Variants in HSPA12A observed in about 807,000 individuals in gnomAD.
HSPA12A encodes the protein heat shock protein family A (Hsp70) member 12A.
HSPA12A carries 28 observed loss-of-function variants against 69.2 expected under a neutral mutation model. The observed-to-expected ratio is 0.40, with a 90% confidence interval of 0.30 to 0.55. The LOEUF is 0.55. HSPA12A is among the 20% of genes least tolerant of loss of function. The probability of loss-of-function intolerance (pLI) is 0.38; values close to 1 mark genes in which losing one functional copy is unlikely to be tolerated. For synonymous variants in HSPA12A, 345 were observed against 370.5 expected, an observed-to-expected ratio of 0.93 and a Z score of 0.79; for missense variants, 686 against 900.7, an observed-to-expected ratio of 0.76 and a Z score of 3.05.
intron 2 of HSPA12A, among the ~76,000 whole-genome samples, chr10:116,813,763 A>T (rs1475371315): frequency 6.6e-6 from 1 of 152,152 alleles, no homozygotes; most frequent in Non-Finnish European, 1.5e-5. Context: ...GAGCACCTGT[A>T]GTCCCAGCTA....
intron 2 of HSPA12A, among the ~76,000 whole-genome samples, chr10:116,834,699 A>G (rs1845678792): frequency 6.6e-6 from 1 of 152,274 alleles, no homozygotes; most frequent in East Asian, 1.9e-4. Flanking sequence ...GATAGGTGGG[A>G]AACGAATTTG....
Position 116,814,326 on chromosome 10 carries a change from G to A in HSPA12A, c.91+20609C>T, listed in dbSNP as rs75844679. The stretch of plus-strand genomic sequence containing the variant: ...CACATGGAAGGTCTGACATATAAGT[G>A]GAGTTCCCAAGGCAGAGGGCGGCCA... On this transcript the variant is annotated intron_variant, in intron 2 of 12. Coordinates refer to the HSPA12A transcript ENST00000635765. Among the ~76,000 whole-genome samples the A allele has an allele frequency of 1.0e-2, 1,519 of 152,270 alleles. 19 individuals are homozygous for A. Among genetic ancestry groups the A allele is most frequent in the African/African-American group, 0.031 (1,305 of 41,556 alleles).
chr10:116,767,517 T>C (rs1197193975), intron 2 of HSPA12A, among the ~76,000 whole-genome samples: 1 of 152,134 alleles, frequency 6.6e-6, no homozygotes, highest in Non-Finnish European at 1.5e-5. Context: ...CCTTCTCTGC[T>C]CCCACTAGCC....
intron 2 of HSPA12A, among the ~76,000 whole-genome samples, chr10:116,816,649 A>G (rs1845311954): frequency 6.6e-6 from 1 of 152,150 alleles, no homozygotes; most frequent in Non-Finnish European, 1.5e-5. Context: ...TCCAATTCCG[A>G]TGGTTGCAGC....
intron 2 of HSPA12A, among the ~76,000 whole-genome samples, chr10:116,705,893 CTTTT>C (rs369606540): frequency 8.6e-6 from 1 of 115,618 alleles, no homozygotes; most frequent in Non-Finnish European, 1.7e-5. Flanking sequence ...TCTCTCTCTC[CTTTT>C]TTTTTTTTTT....
At chr10:116,767,104 G>A (rs1182356142) in intron 2 of HSPA12A, among the ~76,000 whole-genome samples, 4 of 152,148 alleles carry the variant, frequency 2.6e-5, no homozygotes, top group Non-Finnish European at 4.4e-5. Context: ...TAGAGCGGGG[G>A]CACCTGATCT....
intron 1 of HSPA12A, among the ~76,000 whole-genome samples, chr10:116,711,788 C>T (rs1036357667): frequency 5.3e-5 from 8 of 151,532 alleles, no homozygotes; most frequent in South Asian, 2.1e-4. Flanking sequence ...CTCAGCCTCC[C>T]GAGTAGCTGG....
chr10:116,813,801 T>C (rs1845245633), intron 2 of HSPA12A, among the ~76,000 whole-genome samples: 2 of 152,040 alleles, frequency 1.3e-5, no homozygotes, highest in Admixed American at 1.3e-4. Flanking sequence ...AGGGAATCAC[T>C]TGACCCCAGG....
At chr10:116,711,716 T>A (rs1554883117) in intron 1 of HSPA12A, among the ~76,000 whole-genome samples, 1 of 145,910 alleles carries the variant, frequency 6.9e-6, no homozygotes, top group African/African-American at 2.5e-5. Flanking sequence ...CCAGGCTGAG[T>A]GCAGTGGTGC....
chr10:116,785,212 C>T (rs1844550883), intron 2 of HSPA12A, among the ~76,000 whole-genome samples: 1 of 152,092 alleles, frequency 6.6e-6, no homozygotes, highest in Non-Finnish European at 1.5e-5. Context: ...CACCCACCGC[C>T]ACCATCATTC....
chr10:116,846,117 A>G (rs1589738341), intron 1 of HSPA12A, among the ~76,000 whole-genome samples: 1 of 152,102 alleles, frequency 6.6e-6, no homozygotes, highest in South Asian at 2.1e-4. Context: ...GGCATTCAAT[A>G]TTTGTTGATT....
At chr10:116,758,333 A>T (rs1554888992) in intron 2 of HSPA12A, among the ~76,000 whole-genome samples, 2 of 151,986 alleles carry the variant, frequency 1.3e-5, no homozygotes, top group Non-Finnish European at 2.9e-5. Flanking sequence ...TTGCCCTGTG[A>T]CTTCTGATTG....
intron 2 of HSPA12A, chr10:116,750,375 T>A: frequency 1.4e-6 from 1 of 724,330 alleles, no homozygotes; most frequent in Non-Finnish European, 2.5e-6. Context: ...GGCAATAAAG[T>A]CTTGGGGGGC....
chr10:116,700,836 C>T (rs1005635411), intron 4 of HSPA12A, 107 bp downstream of exon 4: 9 of 1,030,126 alleles, frequency 8.7e-6, no homozygotes, highest in Admixed American at 4.3e-5. Flanking sequence ...TTGGAAGAGA[C>T]CAGAGGGCCC....
At position 116,677,964 on chromosome 10, in the gene HSPA12A, C is replaced by T. The variant is rs185953754; in HGVS notation, c.1287-1462G>A. ...AGGAAAAATTCATTAGCTACTTTGG[C>T]GGATACTAGGAAATTGATTCTTTTT... On this transcript the variant is annotated intron_variant, in intron 10 of 11. Coordinates refer to ENST00000369209, the MANE Select transcript of HSPA12A (RefSeq NM_025015.3). 1.1e-4 allele frequency among the ~76,000 whole-genome samples: 17 copies of T among 149,646 alleles called. No individual in the cohort carries two copies. The East Asian group carries it at 2.4e-3, about 21-fold the overall frequency.
intron 2 of HSPA12A, among the ~76,000 whole-genome samples, chr10:116,824,774 T>C (rs1845470798): frequency 1.3e-5 from 2 of 152,130 alleles, no homozygotes; most frequent in South Asian, 4.1e-4. Flanking sequence ...GCTGGGACTA[T>C]AGATGCGCAC....
upstream of HSPA12A, among the ~76,000 whole-genome samples, chr10:116,743,101 G>T (rs1851569059): frequency 1.3e-5 from 1 of 77,640 alleles, no homozygotes; most frequent in Non-Finnish European, 2.9e-5. Flanking sequence ...GGACCTGCGC[G>T]GGGGCCGAGC....
intron 7 of HSPA12A, 22 bp from the exon 8 acceptor site, chr10:116,681,899 A>G: frequency 6.2e-7 from 1 of 1,607,548 alleles, no homozygotes; most frequent in Non-Finnish European, 8.5e-7. Context: ...CAGAAAGAAA[A>G]TGATGACGGG....
At chr10:116,714,954 C>T (rs561049699) in intron 1 of HSPA12A, among the ~76,000 whole-genome samples, 1 of 152,332 alleles carries the variant, frequency 6.6e-6, no homozygotes, top group Admixed American at 6.5e-5. Context: ...AGAGAAGAGC[C>T]TTCTCAGCTC....
Sources: gnomAD v4.1 joint callset for allele counts (sites outside exome capture counted in the v4.1 genomes callset) on GRCh38, gnomAD v4.1.1 for gene constraint, MANE v1.5 for transcripts, NCBI Gene and HGNC (gene_info 2026-07-23, HGNC 2026-07-21) for gene names.